Variants in SORCS1 observed in about 807,000 individuals in gnomAD.
The protein encoded by SORCS1 is VPS10 domain-containing receptor SorCS1.
Under a neutral mutation model 146.1 loss-of-function variants are expected in SORCS1, and 60 were observed. The ratio of observed to expected loss-of-function variants is 0.41; its 90% CI spans 0.33 to 0.51. The LOEUF (loss-of-function observed/expected upper bound fraction) is 0.51. Among genes scored for constraint, SORCS1 ranks in the 20% least tolerant of loss-of-function variants. The pLI is 0.21. For missense variants in SORCS1, 1,352 were observed against 1,487.6 expected (o/e 0.91, Z 1.50); for synonymous variants, 637 against 584.0 (o/e 1.09, Z -1.31).
intron 3 of SORCS1, among the ~76,000 whole-genome samples, chr10:106,784,800 G>A (rs1564654356): frequency 6.6e-6 from 1 of 152,156 alleles, no homozygotes; most frequent in Non-Finnish European, 1.5e-5. Flanking sequence ...AGAAACACAG[G>A]TGAGAAGGAA....
At chr10:106,896,418 G>A (rs1446984040) in intron 2 of SORCS1, among the ~76,000 whole-genome samples, 15 of 130,948 alleles carry the variant, frequency 1.1e-4, no homozygotes, top group Non-Finnish European at 2.3e-4. Context: ...GACAGAGTGA[G>A]ACTTTGTCTC....
chr10:106,777,831 G>A (rs1438033374), intron 3 of SORCS1, among the ~76,000 whole-genome samples: 1 of 152,180 alleles, frequency 6.6e-6, no homozygotes, highest in African/African-American at 2.4e-5. Context: ...TGGCCTTAAT[G>A]CTACCCGTTG....
intron 6 of SORCS1, among the ~76,000 whole-genome samples, chr10:106,726,354 C>T (rs1856181170): frequency 1.9e-5 from 2 of 104,314 alleles, no homozygotes; most frequent in African/African-American, 8.5e-5. Context: ...AAGATGCTGC[C>T]TTCGCAAAAA....
chr10:106,810,093 C>A (rs994911206), intron 3 of SORCS1, among the ~76,000 whole-genome samples: 1 of 152,098 alleles, frequency 6.6e-6, no homozygotes, highest in Admixed American at 6.5e-5. Context: ...TCGTGGCACG[C>A]GCCTGTAGTC....
chr10:106,599,971 G>T (rs1402951993), intron 23 of SORCS1, among the ~76,000 whole-genome samples: 2 of 151,914 alleles, frequency 1.3e-5, no homozygotes, highest in African/African-American at 4.8e-5. Flanking sequence ...TGTATTTTTA[G>T]CAGAGACAGT....
At chr10:106,653,835 T>G (rs1025018595) in intron 17 of SORCS1, among the ~76,000 whole-genome samples, 8 of 152,300 alleles carry the variant, frequency 5.3e-5, no homozygotes, top group African/African-American at 1.9e-4. Flanking sequence ...TCATAAAATA[T>G]TACCAATTAT....
chr10:107,063,975 A>G (rs1466107262), intron 1 of SORCS1, among the ~76,000 whole-genome samples: 2 of 152,180 alleles, frequency 1.3e-5, no homozygotes, highest in African/African-American at 4.8e-5. Flanking sequence ...ATTCAGTAGA[A>G]TTCAACACTT....
At chr10:106,833,880 G>A (rs1016610883) in intron 2 of SORCS1, among the ~76,000 whole-genome samples, 1 of 152,094 alleles carries the variant, frequency 6.6e-6, no homozygotes, top group Non-Finnish European at 1.5e-5. Flanking sequence ...TGCAAGCTCC[G>A]CCTCCTGGGT....
At chr10:107,018,412 T>G (rs1289989820) in intron 1 of SORCS1, among the ~76,000 whole-genome samples, 2 of 150,640 alleles carry the variant, frequency 1.3e-5, no homozygotes, top group African/African-American at 4.9e-5. Context: ...GGTCTCGATC[T>G]CCTTACCTCG....
intron 1 of SORCS1, among the ~76,000 whole-genome samples, chr10:107,012,088 T>C (rs537379969): frequency 1.3e-5 from 2 of 152,364 alleles, no homozygotes; most frequent in South Asian, 2.1e-4. Flanking sequence ...TCAACTGTTA[T>C]TGCAGCAGAT....
intron 8 of SORCS1, among the ~76,000 whole-genome samples, chr10:106,700,632 A>T (rs1854070313): frequency 6.6e-6 from 1 of 152,122 alleles, no homozygotes. Flanking sequence ...CCACCTAACT[A>T]CTAACCTAAA....
intron 3 of SORCS1, among the ~76,000 whole-genome samples, chr10:106,816,996 G>A (rs1195483983): frequency 6.6e-6 from 1 of 152,194 alleles, no homozygotes; most frequent in East Asian, 1.9e-4. Context: ...CAAAGGGCTT[G>A]GGCCCAAGGA....
chr10:106,887,491 C>T (rs893500404), intron 2 of SORCS1, among the ~76,000 whole-genome samples: 1 of 152,102 alleles, frequency 6.6e-6, no homozygotes, highest in Non-Finnish European at 1.5e-5. Context: ...GCAGGAGAAT[C>T]ACTTGAACCC....
intron 1 of SORCS1, among the ~76,000 whole-genome samples, chr10:106,964,996 T>C (rs1412746352): frequency 6.6e-6 from 1 of 150,914 alleles, no homozygotes; most frequent in Admixed American, 6.7e-5. Flanking sequence ...TAATAGTGAC[T>C]CAAGCAATAA....
chr10:106,616,378 C>T (rs930912675), intron 21 of SORCS1, among the ~76,000 whole-genome samples: 5 of 152,144 alleles, frequency 3.3e-5, no homozygotes, highest in Non-Finnish European at 7.3e-5. Context: ...TGCATGGGCC[C>T]TGAGTCTAGA....
Position 106,577,087 on chromosome 10 carries a change from AC to A in SORCS1, c.*332del. ...CACATGCACAGGCTTAAAGCTAAAA[AC>A]CCTTGTTGTCTGTGTCTGAAGAATT... On this transcript the variant is annotated 3_prime_UTR_variant, in exon 26 of 26. Transcript: ENST00000263054. The A allele has an allele frequency of 1.4e-6, 1 of 694,742 alleles. No individual in the cohort carries two copies. The highest frequency in any genetic ancestry group is 6.2e-5 in the East Asian group (1 of 16,222). The allele number at this position is 694,742 out of a possible 1,614,324, so 43.0% of individuals were successfully genotyped here.
intron 2 of SORCS1, among the ~76,000 whole-genome samples, chr10:106,863,070 C>T (rs565336111): frequency 6.6e-6 from 1 of 151,804 alleles, no homozygotes; most frequent in African/African-American, 2.4e-5. Flanking sequence ...GTTGATTTCC[C>T]CCCAAACAAA....
intron 1 of SORCS1, among the ~76,000 whole-genome samples, chr10:107,113,144 CA>C (rs1027431591): frequency 3.9e-5 from 6 of 152,098 alleles, no homozygotes; most frequent in African/African-American, 1.4e-4. Context: ...AGACTGAAAT[CA>C]ACCCACATAT....
At chr10:107,116,466 A>G (rs1966044844) in intron 1 of SORCS1, among the ~76,000 whole-genome samples, 1 of 152,200 alleles carries the variant, frequency 6.6e-6, no homozygotes, top group Admixed American at 6.5e-5. Flanking sequence ...ATACGTACAT[A>G]CACAAGCAAT....
Sources: allele counts gnomAD v4.1 joint callset (sites outside exome capture counted in the v4.1 genomes callset), GRCh38; gene constraint gnomAD v4.1.1; transcripts MANE v1.5; gene names NCBI Gene and HGNC (gene_info 2026-07-23, HGNC 2026-07-21).